The following TRIB2 variants were observed in gnomAD, a reference collection of about 807,000 sequenced individuals.
TRIB2 encodes the protein tribbles pseudokinase 2.
A neutral mutation model predicts 26.8 loss-of-function variants in TRIB2; 2 were observed. That is an observed-to-expected ratio of 0.07 (90% CI 0.03 to 0.24). TRIB2 has a LOEUF of 0.24. Among genes scored for constraint, TRIB2 ranks in the 10% least tolerant of loss-of-function variants. TRIB2 has a pLI of 1.00. For missense variants in TRIB2, 306 were observed against 449.0 expected (o/e 0.68, Z 2.88); for synonymous variants, 189 against 187.3 (o/e 1.01, Z -0.08).
At chr2:12,722,306 A>G (rs1661239035) in intron 1 of TRIB2, among the ~76,000 whole-genome samples, 2 of 152,224 alleles carry the variant, frequency 1.3e-5, no homozygotes, top group Admixed American at 6.5e-5. Flanking sequence ...TCACCCACGC[A>G]TGCCCCTGGC....
chr2:12,731,499 A>C (rs1572482614), intron 2 of TRIB2, among the ~76,000 whole-genome samples: 1 of 152,216 alleles, frequency 6.6e-6, no homozygotes, highest in South Asian at 2.1e-4. Flanking sequence ...TCTAGGAAGA[A>C]GTGGCTCAAA....
chr2:12,729,142 C>T (rs1317331943), intron 2 of TRIB2, among the ~76,000 whole-genome samples: 1 of 152,210 alleles, frequency 6.6e-6, no homozygotes, highest in African/African-American at 2.4e-5. Context: ...GCTGGCGAGC[C>T]TCCTGTTCCC....
chr2:12,731,353 A>G (rs1046003614), intron 2 of TRIB2, among the ~76,000 whole-genome samples: 2 of 152,160 alleles, frequency 1.3e-5, no homozygotes, highest in Admixed American at 6.5e-5. Context: ...AGGGCCTGAA[A>G]GACACACCCC....
At chr2:12,736,863 A>G (rs1467143266) in intron 2 of TRIB2, among the ~76,000 whole-genome samples, 4 of 152,238 alleles carry the variant, frequency 2.6e-5, no homozygotes, top group Non-Finnish European at 5.9e-5. Context: ...CCATGCTGAA[A>G]AGAGGAGGAG....
rs1016298342 is a variant in TRIB2 at position 12,718,926 on chromosome 2, C to G, written c.270+349C>G. On this transcript the variant is annotated intron_variant, in intron 1 of 2. Coordinates refer to ENST00000155926, the MANE Select transcript of TRIB2 (RefSeq NM_021643.4). The surrounding 1 kb of genome is among the most constrained non-coding windows in gnomAD (Gnocchi z 4.0). ...TTTCTTCCTGTGTCTAGCCCCCTCC[C>G]CTTCCAACAAGGATTAGGGAATCCC... 6.6e-6 allele frequency among the ~76,000 whole-genome samples: 1 copy of G among 152,106 alleles called. No homozygotes were observed. Among genetic ancestry groups the G allele is most frequent in the Non-Finnish European group, 1.5e-5 (1 of 68,018 alleles).
At chr2:12,726,643 G>C (rs978253485) in intron 2 of TRIB2, among the ~76,000 whole-genome samples, 2 of 152,226 alleles carry the variant, frequency 1.3e-5, no homozygotes, top group African/African-American at 4.8e-5. Flanking sequence ...GTTAATGTCT[G>C]TTTTCTCACC....
Position 12,722,212 on chromosome 2 carries a change from G to A in TRIB2, c.271-1048G>A, listed in dbSNP as rs562536505. The stretch of plus-strand genomic sequence containing the variant: ...AAGTATGTCTAACTAGTGAAAAAGC[G>A]ATTTAGGCAGCTAAATCATTGTGAA... On this transcript the variant is annotated intron_variant, in intron 1 of 2. Coordinates refer to ENST00000155926, the MANE Select transcript of TRIB2 (RefSeq NM_021643.4). Among the ~76,000 whole-genome samples, 8 of 152,314 alleles carry A rather than the reference G, an allele frequency of 5.3e-5. No individual in the cohort carries two copies. In the South Asian group the frequency reaches 6.2e-4, roughly 12 times the overall value.
intron 2 of TRIB2, among the ~76,000 whole-genome samples, chr2:12,730,596 GT>G (rs544336381): frequency 1.1e-4 from 17 of 151,920 alleles, no homozygotes; most frequent in Admixed American, 9.2e-4. Flanking sequence ...CATTCTGTGG[GT>G]TTTTTTTGTT....
intron 1 of TRIB2, among the ~76,000 whole-genome samples, chr2:12,722,320 C>A (rs189238605): frequency 2.6e-5 from 4 of 152,326 alleles, no homozygotes; most frequent in Non-Finnish European, 5.9e-5. Flanking sequence ...CCCTGGCTCA[C>A]GCACACACTG....
chr2:12,740,387 C>A lies in TRIB2; in HGVS notation c.625C>A (p.Leu209Ile), dbSNP rs1295514768. ...CATTCTGCGGGGAGATGATGATTCC[C>A]TCTCCGACAAGCATGGCTGCCCGGC... ...AYILRGDDDSLSDKHGCPAYV... is the reference protein window; with the variant it reads ...AYILRGDDDSISDKHGCPAYV... Residue 209 changes from leucine (L) to isoleucine (I), a missense_variant, in exon 3 of 3, where the codon CTC (leucine) becomes ATC (isoleucine). Coordinates refer to ENST00000155926, the MANE Select transcript of TRIB2 (RefSeq NM_021643.4). This position sits in a 1 kb window ranked among gnomAD's most constrained non-coding sequence, Gnocchi z 5.8. 6.2e-7 allele frequency: 1 copy of A among 1,614,144 alleles called. No homozygotes were observed. Among genetic ancestry groups the A allele is most frequent in the Non-Finnish European group, 8.5e-7 (1 of 1,180,028 alleles).
chr2:12,739,009 A>G (rs1661648561), intron 2 of TRIB2, among the ~76,000 whole-genome samples: 1 of 152,110 alleles, frequency 6.6e-6, no homozygotes, highest in Admixed American at 6.5e-5. Flanking sequence ...GTCAGCAACC[A>G]TGATGGACCT....
At chr2:12,719,717 T>G (rs1661151123) in intron 1 of TRIB2, among the ~76,000 whole-genome samples, 1 of 152,126 alleles carries the variant, frequency 6.6e-6, no homozygotes, top group Non-Finnish European at 1.5e-5. Context: ...CTTGCCTTAT[T>G]TCCTAGTGGA....
At chr2:12,733,191 G>C (rs767238430) in intron 2 of TRIB2, among the ~76,000 whole-genome samples, 1 of 152,232 alleles carries the variant, frequency 6.6e-6, no homozygotes, top group African/African-American at 2.4e-5. Flanking sequence ...CCTTGGACAA[G>C]TCACATCTAC....
chr2:12,718,146 T>G lies in TRIB2; in HGVS notation c.-162T>G. 6.9e-5 allele frequency: 69 copies of G among 992,880 alleles called. No individual in the cohort carries two copies. The highest frequency in any genetic ancestry group is 8.7e-5 in the Non-Finnish European group (61 of 701,386). 61.5% of individuals were successfully genotyped at this position (992,880 alleles called of 1,614,324 possible). A position where few individuals can be genotyped will look rare whatever the true frequency, so the allele number is the denominator to read the frequency against. On this transcript the variant is annotated 5_prime_UTR_variant, in exon 1 of 3. Coordinates refer to ENST00000155926, the MANE Select transcript of TRIB2 (RefSeq NM_021643.4). This position sits in a 1 kb window ranked among gnomAD's most constrained non-coding sequence, Gnocchi z 4.0. ...CAGACGAGGTATCCGGCGGCGCCCA[T>G]TTGGGGGCTTCTAACTCTTTCTCCA...
At position 12,740,263 on chromosome 2, in the gene TRIB2, G is replaced by T; in HGVS notation, c.564-63G>T. ...GAAACACTATAGTCGGTTATGTTAT[G>T]ATGCTGGTGGTAACGTGTCTCTGAG... On this transcript the variant is annotated intron_variant, in intron 2 of 2. Coordinates refer to ENST00000155926, the MANE Select transcript of TRIB2 (RefSeq NM_021643.4). This position sits in a 1 kb window ranked among gnomAD's most constrained non-coding sequence, Gnocchi z 5.8. The T allele has an allele frequency of 4.1e-6, 6 of 1,450,520 alleles. No individual in the cohort carries two copies. The highest frequency in any genetic ancestry group is 5.7e-6 in the Non-Finnish European group (6 of 1,049,378). The allele number at this position is 1,450,520 out of a possible 1,614,324, so 89.9% of individuals were successfully genotyped here.
In TRIB2 at chr2:12,741,048, C is replaced by T; in HGVS notation, c.*254C>T. The T allele has an allele frequency of 2.2e-6, 1 of 459,836 alleles. No homozygotes were observed. Among genetic ancestry groups the T allele is most frequent in the Non-Finnish European group, 3.9e-6 (1 of 257,378 alleles). 28.5% of individuals were successfully genotyped at this position (459,836 alleles called of 1,614,324 possible). A position where few individuals can be genotyped will look rare whatever the true frequency, so the allele number is the denominator to read the frequency against. ...TCTTCCCTAACATAGCCTGGGAGACCACCCCTTGCCACTTGGGCCACTTCC... is the reference window on the plus strand; with the variant it reads ...TCTTCCCTAACATAGCCTGGGAGACTACCCCTTGCCACTTGGGCCACTTCC... On this transcript the variant is annotated 3_prime_UTR_variant, in exon 3 of 3. Transcript: ENST00000155926.
rs547836907 is a variant in TRIB2, at chr2:12,742,094, TTGAG to T, written c.*1302_*1305del. ...AACATTTATAATTCTTTTTCCTTGT[TTGAG>T]TATTTCTGTCTCTGAAATAACCTTT... On this transcript the variant is annotated 3_prime_UTR_variant, in exon 3 of 3. Coordinates refer to ENST00000155926, the MANE Select transcript of TRIB2 (RefSeq NM_021643.4). 4.7e-4 allele frequency: 72 copies of T among 152,822 alleles called. No homozygotes were observed. Among genetic ancestry groups the T allele is most frequent in the African/African-American group, 1.7e-3 (71 of 41,594 alleles). 9.5% of individuals were successfully genotyped at this position (152,822 alleles called of 1,614,324 possible).
At chr2:12,724,516 C>G (rs1375435094) in intron 2 of TRIB2, 1 of 1,504,612 alleles carries the variant, frequency 6.6e-7, no homozygotes, top group Non-Finnish European at 8.9e-7. Flanking sequence ...GAGACCAGCT[C>G]ATATCTTGAT....
chr2:12,724,521 C>G (rs1661294938), intron 2 of TRIB2: 15 of 1,513,866 alleles, frequency 9.9e-6, no homozygotes, highest in African/African-American at 1.4e-5. Flanking sequence ...CAGCTCATAT[C>G]TTGATCTTTG....
Sources: gnomAD v4.1 joint callset for allele counts (sites outside exome capture counted in the v4.1 genomes callset) on GRCh38, gnomAD v4.1.1 for gene constraint, Gnocchi (gnomAD v3.1) non-coding constraint, MANE v1.5 for transcripts, NCBI Gene and HGNC (gene_info 2026-07-23, HGNC 2026-07-21) for gene names.